PCDHA1: variants seen among roughly 807,000 people sequenced by gnomAD.
The protein encoded by PCDHA1 is protocadherin alpha-1.
A neutral mutation model predicts 61.3 loss-of-function variants in PCDHA1; 42 were observed. The ratio of observed to expected loss-of-function variants is 0.69; its 90% CI spans 0.54 to 0.89. PCDHA1 has a LOEUF of 0.89. Among genes scored for constraint, PCDHA1 ranks in the 40% least tolerant of loss-of-function variants. The pLI, the probability that PCDHA1 is intolerant of heterozygous loss-of-function variation, is 0.00. For missense variants in PCDHA1, 1,256 were observed against 1,235.3 expected (o/e 1.02, Z -0.25); for synonymous variants, 610 against 553.8 (o/e 1.10, Z -1.43).
At chr5:140,829,378 C>G in intron 1 of PCDHA1, 1 of 1,614,180 alleles carries the variant, frequency 6.2e-7, no homozygotes, top group Non-Finnish European at 8.5e-7. Context: ...CCGCGCGGGA[C>G]GGGGGCTCGC....
chr5:140,942,944 T>C (rs368380576), intron 1 of PCDHA1, among the ~76,000 whole-genome samples: 1 of 151,862 alleles, frequency 6.6e-6, no homozygotes, highest in African/African-American at 2.4e-5. Context: ...GTTTAAAGTG[T>C]AGACGTTCTG....
chr5:140,809,598 A>C, intron 1 of PCDHA1: 1 of 1,531,486 alleles, frequency 6.5e-7, no homozygotes, highest in Non-Finnish European at 8.8e-7. Context: ...CCTTTTGTTT[A>C]ATTTTCGTAT....
At chr5:140,810,456 A>G (rs1372251098) in intron 1 of PCDHA1, 2 of 152,252 alleles carry the variant, frequency 1.3e-5, no homozygotes, top group Non-Finnish European at 2.9e-5. Flanking sequence ...CTAGTAGTGC[A>G]TAAGGCTTTC....
At chr5:140,807,745 C>A in intron 1 of PCDHA1, 1 of 1,614,132 alleles carries the variant, frequency 6.2e-7, no homozygotes, top group Non-Finnish European at 8.5e-7. Flanking sequence ...CACCTGATGA[C>A]GAGCTGGTAA....
rs2150259063 is a variant in PCDHA1 at position 140,836,376 on chromosome 5, G to T, written c.2394+47692G>T. ...GCCCTCGCTGACAGCCACAGCCACCGTGCTGGTGTCGCTGGTGGAAAGCGG... is the reference window on the plus strand; with the variant it reads ...GCCCTCGCTGACAGCCACAGCCACCTTGCTGGTGTCGCTGGTGGAAAGCGG... On this transcript the variant is annotated intron_variant, in intron 1 of 3. Coordinates refer to ENST00000504120, the MANE Select transcript of PCDHA1 (RefSeq NM_018900.4). 3.7e-6 allele frequency: 6 copies of T among 1,613,644 alleles called. No homozygotes were observed. In the Admixed American group the frequency reaches 6.7e-5, roughly 18 times the overall value.
At chr5:140,932,028 G>T (rs1299372751) in intron 1 of PCDHA1, among the ~76,000 whole-genome samples, 1 of 151,864 alleles carries the variant, frequency 6.6e-6, no homozygotes, top group African/African-American at 2.4e-5. Context: ...TAAGTTTACA[G>T]TATATATTAA....
chr5:140,881,837 A>G (rs1554172601), intron 1 of PCDHA1, among the ~76,000 whole-genome samples: 1 of 152,238 alleles, frequency 6.6e-6, no homozygotes, highest in Admixed American at 6.5e-5. Flanking sequence ...TTCTGCATGG[A>G]ATTCTTACAC....
chr5:140,884,276 G>A (rs2060082773), intron 1 of PCDHA1: 4 of 1,613,638 alleles, frequency 2.5e-6, no homozygotes, highest in East Asian at 2.2e-5. Flanking sequence ...GTTGTCGCTG[G>A]TGGAGAGCGG....
intron 1 of PCDHA1, chr5:140,857,829 G>A: frequency 1.9e-6 from 3 of 1,597,788 alleles, no homozygotes; most frequent in Non-Finnish European, 2.6e-6. Context: ...GCTAAGGTGC[G>A]CGCAGTGGAC....
intron 1 of PCDHA1, among the ~76,000 whole-genome samples, chr5:140,974,181 A>G (rs1361812242): frequency 3.9e-5 from 6 of 152,226 alleles, no homozygotes; most frequent in Non-Finnish European, 8.8e-5. Context: ...TAACTTGACA[A>G]ATGCAAAGGA....
chr5:140,830,668 A>G (rs1269050211), intron 1 of PCDHA1: 1 of 382,460 alleles, frequency 2.6e-6, no homozygotes, highest in African/African-American at 2.1e-5. Flanking sequence ...TTTAAGTGAA[A>G]TTAGAAATCA....
At chr5:140,810,669 T>C (rs1390570717) in intron 1 of PCDHA1, 1 of 99,100 alleles carries the variant, frequency 1.0e-5, no homozygotes, top group Middle Eastern at 5.4e-3. Flanking sequence ...GTTTTTCTTT[T>C]CTTTTTTCTC....
rs2150375688 is a variant in PCDHA1, at chr5:140,844,999, T to C, written c.2394+56315T>C. 8.7e-5 allele frequency among the ~76,000 whole-genome samples: 13 copies of C among 149,338 alleles called. 1 individual carries two copies. Among genetic ancestry groups the C allele is most frequent in the African/African-American group, 4.9e-5 (2 of 40,784 alleles). ...TTGTTTTAAATCTTTTAATCACTTA[T>C]GAACAAATAATGTAATCATTTATGG... On this transcript the variant is annotated intron_variant, in intron 1 of 3. Transcript: ENST00000504120.
rs565071573 is a variant in PCDHA1, at chr5:141,009,664, G to A, written c.2580G>A (p.Ala860=). The A allele has an allele frequency of 2.2e-5, 36 of 1,613,862 alleles. No individual in the cohort carries two copies. The highest frequency in any genetic ancestry group is 5.0e-5 in the Admixed American group (3 of 59,974). The stretch of plus-strand genomic sequence containing the variant: ...GAGAAGTGTCCCCTCCAGTCGGTGC[G>A]GGTGTCAACAGCAACAGCTGGACCT... The part of the protein sequence containing the change: ...EAGEVSPPVG[A]GVNSNSWTFK... Residue 860 remains alanine (A), a synonymous_variant, in exon 4 of 4, where the codon GCG becomes GCA. Transcript: ENST00000504120.
chr5:140,883,483 C>A, intron 1 of PCDHA1: 1 of 1,614,196 alleles, frequency 6.2e-7, no homozygotes, highest in African/African-American at 1.3e-5. Flanking sequence ...AGAACTACTA[C>A]TCATTAGTGC....
chr5:140,988,642 T>C (rs981488031), intron 3 of PCDHA1, among the ~76,000 whole-genome samples: 22 of 152,212 alleles, frequency 1.4e-4, no homozygotes, highest in African/African-American at 5.3e-4. Context: ...TTTCTGAAAT[T>C]AAACATTTTT....
chr5:140,823,677 C>G, intron 1 of PCDHA1: 1 of 1,614,048 alleles, frequency 6.2e-7, no homozygotes, highest in Non-Finnish European at 8.5e-7. Context: ...GCACAACACG[C>G]TCTCTGGATG....
chr5:140,925,878 ACCT>A (rs1554202987), intron 1 of PCDHA1, among the ~76,000 whole-genome samples: 1 of 151,658 alleles, frequency 6.6e-6, no homozygotes. Flanking sequence ...CTGGTTTATA[ACCT>A]CCTCTTTCAC....
At chr5:140,837,831 T>C (rs1775280897) in intron 1 of PCDHA1, among the ~76,000 whole-genome samples, 1 of 151,530 alleles carries the variant, frequency 6.6e-6, no homozygotes, top group Admixed American at 6.6e-5. Flanking sequence ...TTGCATGTCA[T>C]TGTGCCTGGC....
Sources: gnomAD v4.1 joint callset for allele counts (sites outside exome capture counted in the v4.1 genomes callset) on GRCh38, gnomAD v4.1.1 for gene constraint, MANE v1.5 for transcripts, NCBI Gene and HGNC (gene_info 2026-07-23, HGNC 2026-07-21) for gene names.